The following ROBO1 variants were observed in gnomAD, a reference collection of about 807,000 sequenced individuals.
ROBO1 encodes roundabout homolog 1.
ROBO1 carries 149 observed loss-of-function variants against 195.9 expected under a neutral mutation model. The ratio of observed to expected loss-of-function variants is 0.76; its 90% CI spans 0.67 to 0.87. ROBO1 has a LOEUF of 0.87. Ranked by LOEUF, ROBO1 falls within the 40% of genes least tolerant of loss-of-function variation. The probability of loss-of-function intolerance (pLI) is 0.00; values close to 1 mark genes in which losing one functional copy is unlikely to be tolerated. For missense variants in ROBO1, 1,933 were observed against 2,068.3 expected, an observed-to-expected ratio of 0.93 and a Z score of 1.27; for synonymous variants, 816 against 733.2, an observed-to-expected ratio of 1.11 and a Z score of -1.82.
At chr3:79,280,662 G>A (rs547704497) in intron 2 of ROBO1, among the ~76,000 whole-genome samples, 4 of 152,288 alleles carry the variant, frequency 2.6e-5, no homozygotes, top group Admixed American at 2.0e-4. Flanking sequence ...CCAGGGACCA[G>A]TTTTGTAGAA....
intron 1 of ROBO1, among the ~76,000 whole-genome samples, chr3:79,717,116 A>G (rs1560127229): frequency 6.6e-6 from 1 of 151,974 alleles, no homozygotes; most frequent in Non-Finnish European, 1.5e-5. Flanking sequence ...TTAAAAAATT[A>G]GTGTTAGAAT....
At chr3:79,764,070 A>G (rs548196757) in intron 1 of ROBO1, among the ~76,000 whole-genome samples, 27 of 152,294 alleles carry the variant, frequency 1.8e-4, no homozygotes, top group African/African-American at 6.3e-4. Context: ...ATTTTCCTTA[A>G]ACTCTCTGAG....
At chr3:79,395,418 G>A (rs926708926) in intron 2 of ROBO1, among the ~76,000 whole-genome samples, 7 of 151,668 alleles carry the variant, frequency 4.6e-5, no homozygotes, top group Non-Finnish European at 1.0e-4. Flanking sequence ...TGAAGTCTTG[G>A]CATCCTAGGT....
intron 3 of ROBO1, among the ~76,000 whole-genome samples, chr3:79,124,143 A>C (rs907719808): frequency 2.6e-5 from 4 of 152,064 alleles, no homozygotes; most frequent in Admixed American, 6.6e-5. Flanking sequence ...ATTAAGGGAT[A>C]ACATTTACAA....
At chr3:79,661,792 G>T (rs1329136721) in intron 1 of ROBO1, among the ~76,000 whole-genome samples, 1 of 151,954 alleles carries the variant, frequency 6.6e-6, no homozygotes, top group African/African-American at 2.4e-5. Context: ...TTTACATATT[G>T]AAATTTCATG....
chr3:79,713,461 G>A (rs904303056), intron 1 of ROBO1, among the ~76,000 whole-genome samples: 68 of 152,094 alleles, frequency 4.5e-4, no homozygotes, highest in African/African-American at 1.6e-3. Flanking sequence ...TTTGGAAGGA[G>A]TTGACTCTAA....
At chr3:79,378,201 TTCTCTCTCTCTCTG>T (rs1438199204) in intron 2 of ROBO1, among the ~76,000 whole-genome samples, 1 of 149,366 alleles carries the variant, frequency 6.7e-6, no homozygotes, top group Non-Finnish European at 1.5e-5. Flanking sequence ...CTCTCTCTCT[TTCTCTCTCTCTCTG>T]TCTCTCTCTG....
rs2030273724 is a variant in ROBO1 at position 79,269,072 on chromosome 3, T to A, written c.89-143533A>T. ...AATACTCTAGCCAGTCAGTGGGAGATGAATTTTTTTTTCTAACTAGATAGA... is the reference window on the plus strand; with the variant it reads ...AATACTCTAGCCAGTCAGTGGGAGAAGAATTTTTTTTTCTAACTAGATAGA... On this transcript the variant is annotated intron_variant, in intron 2 of 30. Coordinates refer to ENST00000464233, the MANE Select transcript of ROBO1 (RefSeq NM_002941.4). 2.0e-5 allele frequency among the ~76,000 whole-genome samples: 3 copies of A among 151,618 alleles called. No individual in the cohort carries two copies. The South Asian group carries it at 6.2e-4, about 31-fold the overall frequency.
chr3:79,152,173 A>T (rs1273686827), intron 2 of ROBO1, among the ~76,000 whole-genome samples: 1 of 151,886 alleles, frequency 6.6e-6, no homozygotes, highest in Non-Finnish European at 1.5e-5. Context: ...ATTATGTAGA[A>T]ATATGTTACA....
chr3:78,686,275 G>A (rs951231512), intron 9 of ROBO1, among the ~76,000 whole-genome samples: 13 of 151,924 alleles, frequency 8.6e-5, no homozygotes, highest in Non-Finnish European at 1.3e-4. Flanking sequence ...TTAAGTATCC[G>A]GCCGGGCGCG....
intron 1 of ROBO1, among the ~76,000 whole-genome samples, chr3:79,712,159 T>C (rs1026264917): frequency 6.6e-6 from 1 of 152,092 alleles, no homozygotes; most frequent in African/African-American, 2.4e-5. Context: ...TATCTCCCAT[T>C]TTAATTAAAA....
chr3:78,791,077 A>G (rs1262297212), intron 4 of ROBO1, among the ~76,000 whole-genome samples: 4 of 152,194 alleles, frequency 2.6e-5, no homozygotes, highest in Non-Finnish European at 4.4e-5. Context: ...TGGAGGAGAC[A>G]CAGAAAGACC....
intron 4 of ROBO1, among the ~76,000 whole-genome samples, chr3:78,884,644 AAAGAAAGGAAGG>A (rs1426137067): frequency 1.6e-3 from 131 of 81,086 alleles, no homozygotes; most frequent in Non-Finnish European, 2.5e-3. Context: ...AGAAAGAAAG[AAAGAAAGGAAGG>A]AAGGAAGGAA....
chr3:79,612,415 A>T (rs1488562359), intron 1 of ROBO1, among the ~76,000 whole-genome samples: 2 of 150,286 alleles, frequency 1.3e-5, no homozygotes, highest in Admixed American at 6.7e-5. Context: ...ACATTTTCTT[A>T]ATCCAGTCTA....
intron 2 of ROBO1, among the ~76,000 whole-genome samples, chr3:79,233,005 G>A (rs1231318781): frequency 6.6e-6 from 1 of 151,998 alleles, no homozygotes; most frequent in South Asian, 2.1e-4. Flanking sequence ...AAAAGGAAAG[G>A]CCACTGATAG....
chr3:79,002,566 C>A (rs958330869), intron 3 of ROBO1, among the ~76,000 whole-genome samples: 1 of 152,068 alleles, frequency 6.6e-6, no homozygotes, highest in Non-Finnish European at 1.5e-5. Flanking sequence ...GCCAGCCAGA[C>A]ACACAAAATG....
intron 2 of ROBO1, among the ~76,000 whole-genome samples, chr3:79,424,912 T>C (rs1286883339): frequency 2.0e-5 from 3 of 152,120 alleles, no homozygotes; most frequent in South Asian, 2.1e-4. Flanking sequence ...AGAGGAATTC[T>C]GTAGGAGAAT....
intron 3 of ROBO1, among the ~76,000 whole-genome samples, chr3:79,033,844 G>A (rs957509185): frequency 6.6e-6 from 1 of 151,924 alleles, no homozygotes; most frequent in Non-Finnish European, 1.5e-5. Context: ...GCTTTTTCTG[G>A]AGCATTTGTA....
At chr3:79,571,990 A>G (rs1191428992) in intron 2 of ROBO1, among the ~76,000 whole-genome samples, 2 of 152,166 alleles carry the variant, frequency 1.3e-5, no homozygotes, top group East Asian at 1.9e-4. Context: ...ACTATTTAAC[A>G]TGGAAGTCAA....
Sources: allele counts gnomAD v4.1 joint callset (sites outside exome capture counted in the v4.1 genomes callset), GRCh38; gene constraint gnomAD v4.1.1; transcripts MANE v1.5; gene names NCBI Gene and HGNC (gene_info 2026-07-23, HGNC 2026-07-21).